The following LPAR6 variants were observed in gnomAD, a reference collection of about 807,000 sequenced individuals.
The protein encoded by LPAR6 is G-protein coupled purinergic receptor P2Y5.
Under a neutral mutation model 22.0 loss-of-function variants are expected in LPAR6, and 17 were observed. That is an observed-to-expected ratio of 0.77 (90% CI 0.53 to 1.16). The LOEUF is 1.16. Among genes scored for constraint, LPAR6 ranks in the 50% most tolerant of loss-of-function variants. The pLI is 0.00. For synonymous variants in LPAR6, 136 were observed against 139.8 expected, an observed-to-expected ratio of 0.97 and a Z score of 0.19; for missense variants, 384 against 406.9, an observed-to-expected ratio of 0.94 and a Z score of 0.48.
At chr13:48,401,344 A>T (rs1326675262) in intron 1 of LPAR6, 2 of 152,208 alleles carry the variant, frequency 1.3e-5, no homozygotes, top group African/African-American at 2.4e-5. Flanking sequence ...AGAATTCTGG[A>T]TATGCAAGAA....
downstream of LPAR6, among the ~76,000 whole-genome samples, chr13:48,410,037 T>C (rs560054628): frequency 2.0e-5 from 3 of 152,332 alleles, no homozygotes; most frequent in South Asian, 2.1e-4. Context: ...TTTGTTACTT[T>C]ATAATGTAAG....
intron 1 of LPAR6, among the ~76,000 whole-genome samples, chr13:48,396,829 G>T (rs1331856147): frequency 6.6e-6 from 1 of 152,182 alleles, no homozygotes; most frequent in East Asian, 1.9e-4. Flanking sequence ...CAAAAAGTGG[G>T]TGAAGGATAT....
intron 1 of LPAR6, among the ~76,000 whole-genome samples, chr13:48,401,081 A>C (rs1948687682): frequency 6.6e-6 from 1 of 152,152 alleles, no homozygotes; most frequent in African/African-American, 2.4e-5. Context: ...TTAGTTATGA[A>C]TCATGTCAGT....
At chr13:48,430,056 C>T (rs1442192430), upstream of LPAR6, among the ~76,000 whole-genome samples, 1 of 152,170 alleles carries the variant, frequency 6.6e-6, no homozygotes, top group Non-Finnish European at 1.5e-5. Flanking sequence ...GTTATATCAC[C>T]TAGCAGTTTC....
intron 1 of LPAR6, among the ~76,000 whole-genome samples, chr13:48,399,864 T>C (rs1566205910): frequency 6.6e-6 from 1 of 152,040 alleles, no homozygotes; most frequent in South Asian, 2.1e-4. Flanking sequence ...TTCTTTAATT[T>C]TAAAACACTC....
At position 48,418,918 on chromosome 13, in the gene LPAR6, G is replaced by A. The variant is rs374741034; in HGVS notation, c.-953-1598C>T. ...CCTTGGAGACCTACAAAGAGACTTA[G>A]ACTCCCACACAATAATAGTGGGAGA... On this transcript the variant is annotated intron_variant, in intron 2 of 4. Coordinates refer to the LPAR6 transcript ENST00000345941. Among the ~76,000 whole-genome samples, 3 of 152,246 alleles carry A rather than the reference G, an allele frequency of 2.0e-5. No homozygotes were observed. The East Asian group carries it at 5.8e-4, about 29-fold the overall frequency.
chr13:48,416,820 G>A (rs995430594), upstream of LPAR6, among the ~76,000 whole-genome samples: 12 of 152,194 alleles, frequency 7.9e-5, no homozygotes, highest in Admixed American at 3.9e-4. Context: ...AAGCCACCGG[G>A]AAGTTTGAAC....
rs1948823039 is a variant in LPAR6 at position 48,412,155 on chromosome 13, T to G, written c.269A>C (p.Lys90Thr). The change falls in exon 1 of 1, where the codon AAG becomes ACG. Residue 90 changes from lysine to threonine, a missense_variant. Coordinates refer to ENST00000620633, the MANE Select transcript of LPAR6 (RefSeq NM_001162498.3). ...RNWPFGDLLC[K>T]ISVMLFYTNM... ...GGTATAAAACAGCATCACAGAAATCTTACAAAGTAAATCTCCAAATGGCCA... is the reference window on the plus strand; with the variant it reads ...GGTATAAAACAGCATCACAGAAATCGTACAAAGTAAATCTCCAAATGGCCA... 1 of 1,613,844 alleles carries G rather than the reference T, an allele frequency of 6.2e-7. No homozygotes were observed. The highest frequency in any genetic ancestry group is 1.7e-5 in the Admixed American group (1 of 59,978).
chr13:48,431,742 TGTTTTA>T (rs1949131835), upstream of LPAR6, among the ~76,000 whole-genome samples: 1 of 152,232 alleles, frequency 6.6e-6, no homozygotes, highest in Non-Finnish European at 1.5e-5. Context: ...CGTTTGTTGT[TGTTTTA>T]GTTAAACAGA....
intron 1 of LPAR6, among the ~76,000 whole-genome samples, chr13:48,395,497 A>G (rs1948640909): frequency 6.6e-6 from 1 of 152,108 alleles, no homozygotes; most frequent in Non-Finnish European, 1.5e-5. Context: ...GGTTAGAGGA[A>G]TTGCTAACTA....
chr13:48,408,187 A>C (rs1477991738), downstream of LPAR6, among the ~76,000 whole-genome samples: 1 of 152,124 alleles, frequency 6.6e-6, no homozygotes, highest in African/African-American at 2.4e-5. Context: ...ACTTTTCAGC[A>C]TTTTGAATGT....
At position 48,394,670 on chromosome 13, in the gene LPAR6, C is replaced by T. The variant is rs116427078; in HGVS notation, n.115-4858G>A. Among the ~76,000 whole-genome samples, 992 of 152,336 alleles carry T rather than the reference C, an allele frequency of 6.5e-3. 15 individuals are homozygous for T. The highest frequency in any genetic ancestry group is 0.023 in the African/African-American group (945 of 41,576). ...CAGAGCCTACCACAGCTCCCTAAAT[C>T]CGCTGTAGCCAGACTGCCTTTCTAG... is the stretch of plus-strand genomic sequence containing the variant. On this transcript the variant is annotated intron_variant and non_coding_transcript_variant, in intron 1 of 1. Coordinates refer to the LPAR6 transcript ENST00000462781.
intron 1 of LPAR6, among the ~76,000 whole-genome samples, chr13:48,401,063 A>G (rs1948687578): frequency 6.6e-6 from 1 of 152,080 alleles, no homozygotes; most frequent in Non-Finnish European, 1.5e-5. Flanking sequence ...GGAATTTGTT[A>G]TGTTGCTTTA....
intron 1 of LPAR6, among the ~76,000 whole-genome samples, chr13:48,433,309 A>G (rs557693118): frequency 6.6e-6 from 1 of 152,292 alleles, no homozygotes; most frequent in East Asian, 1.9e-4. Flanking sequence ...GATGTTTTAA[A>G]ACATTTAAAA....
At chr13:48,407,295 C>T (rs1437528251), downstream of LPAR6, among the ~76,000 whole-genome samples, 2 of 152,046 alleles carry the variant, frequency 1.3e-5, no homozygotes, top group East Asian at 3.8e-4. Context: ...ACTGCTTTTC[C>T]AATGAAAGAG....
downstream of LPAR6, among the ~76,000 whole-genome samples, chr13:48,409,314 C>T (rs1447951230): frequency 6.6e-6 from 1 of 151,572 alleles, no homozygotes; most frequent in East Asian, 1.9e-4. Context: ...AAAGAAAACC[C>T]CCCACTGTTA....
intron 1 of LPAR6, among the ~76,000 whole-genome samples, chr13:48,433,416 T>C (rs1949150142): frequency 6.6e-6 from 1 of 152,130 alleles, no homozygotes; most frequent in Non-Finnish European, 1.5e-5. Context: ...AAGAAGAGAA[T>C]TGGGATTCTG....
In LPAR6 at chr13:48,411,421, T is replaced by G; in HGVS notation, c.1003A>C (p.Ser335Arg). The G allele has an allele frequency of 2.5e-6, 4 of 1,612,810 alleles. No homozygotes were observed. The highest frequency in any genetic ancestry group is 3.4e-6 in the Non-Finnish European group (4 of 1,179,740). The change falls in exon 1 of 1, where the codon AGT becomes CGT. Residue 335 changes from serine to arginine, a missense_variant. Transcript: ENST00000620633. ...GCAGATTCATTGTCAAATATCTTAC[T>G]TTTTAAGGTCTGTAGGTTATGCTGA... is the stretch of plus-strand genomic sequence containing the variant. ...FIQHNLQTLKSKIFDNESAA is the reference protein window; with the variant it reads ...FIQHNLQTLKRKIFDNESAA
chr13:48,425,677 T>A (rs411661), intron 1 of LPAR6, among the ~76,000 whole-genome samples: 137,650 of 151,952 alleles, frequency 0.91, 63,375 homozygotes, highest in East Asian at 1. Flanking sequence ...ATATAGAGAG[T>A]CCTCAACTCT....
Sources: gnomAD v4.1 joint callset for allele counts (sites outside exome capture counted in the v4.1 genomes callset) on GRCh38, gnomAD v4.1.1 for gene constraint, MANE v1.5 for transcripts, NCBI Gene and HGNC (gene_info 2026-07-23, HGNC 2026-07-21) for gene names.